The following MAGI2 variants were observed in gnomAD, a reference collection of about 807,000 sequenced individuals.
MAGI2 encodes membrane-associated guanylate kinase, WW and PDZ domain-containing protein 2.
Under a neutral mutation model 133.3 loss-of-function variants are expected in MAGI2, and 35 were observed. The observed-to-expected ratio is 0.26, with a 90% confidence interval of 0.20 to 0.35. The LOEUF is 0.35. Among genes scored for constraint, MAGI2 ranks in the 10% least tolerant of loss-of-function variants. The pLI is 1.00. For missense variants in MAGI2, 1,636 were observed against 1,863.4 expected (o/e 0.88, Z 2.25); for synonymous variants, 729 against 710.6 (o/e 1.03, Z -0.41).
At chr7:78,579,694 T>A (rs1802638887) in intron 3 of MAGI2, among the ~76,000 whole-genome samples, 1 of 152,240 alleles carries the variant, frequency 6.6e-6, no homozygotes, top group African/African-American at 2.4e-5. Flanking sequence ...CTATTCTTAG[T>A]TGAAGATGCT....
intron 2 of MAGI2, among the ~76,000 whole-genome samples, chr7:78,825,551 T>C (rs970102531): frequency 6.6e-6 from 1 of 152,140 alleles, no homozygotes; most frequent in Non-Finnish European, 1.5e-5. Flanking sequence ...CTTTATTAAA[T>C]TGAAGGATTA....
At chr7:78,366,383 A>C (rs1477812251) in intron 7 of MAGI2, among the ~76,000 whole-genome samples, 1 of 152,154 alleles carries the variant, frequency 6.6e-6, no homozygotes, top group Non-Finnish European at 1.5e-5. Flanking sequence ...GACATTTACT[A>C]ATCTTTTATG....
intron 9 of MAGI2, among the ~76,000 whole-genome samples, chr7:78,284,960 T>C (rs1444222565): frequency 6.6e-6 from 1 of 152,156 alleles, no homozygotes; most frequent in Non-Finnish European, 1.5e-5. Context: ...AAACACACTT[T>C]ACAGTTTAAA....
intron 2 of MAGI2, among the ~76,000 whole-genome samples, chr7:78,971,792 C>A (rs1402992795): frequency 2.0e-5 from 3 of 151,558 alleles, no homozygotes; most frequent in Admixed American, 6.6e-5. Context: ...AATTTCTCAC[C>A]TGTATAATGG....
chr7:78,413,746 T>C (rs561708140), intron 6 of MAGI2, among the ~76,000 whole-genome samples: 1 of 152,054 alleles, frequency 6.6e-6, no homozygotes, highest in Admixed American at 6.6e-5. Context: ...GGCAATGGTA[T>C]TGGACATGGG....
chr7:78,963,637 C>T (rs1432696759), intron 2 of MAGI2, among the ~76,000 whole-genome samples: 1 of 151,920 alleles, frequency 6.6e-6, no homozygotes, highest in African/African-American at 2.4e-5. Context: ...AACTGAAACT[C>T]CATACTTGAG....
Position 78,788,301 on chromosome 7 carries a change from G to GA in MAGI2, c.419-161063dup, listed in dbSNP as rs550925121. Among the ~76,000 whole-genome samples the GA allele has an allele frequency of 1.6e-3, 248 of 152,290 alleles. 1 individual carries two copies. Among genetic ancestry groups the GA allele is most frequent in the Non-Finnish European group, 2.7e-3 (181 of 68,032 alleles). On this transcript the variant is annotated intron_variant, in intron 2 of 21. Transcript: ENST00000354212. ...TCTACTCTGTGAATTGTCTGTAACT[G>GA]ATGTATTTTTGTAGCCTTACCTATT...
intron 9 of MAGI2, among the ~76,000 whole-genome samples, chr7:78,336,635 G>C (rs768094100): frequency 6.6e-6 from 1 of 152,140 alleles, no homozygotes; most frequent in Non-Finnish European, 1.5e-5. Context: ...TGAGGTGGGA[G>C]GATGGCTGGA....
intron 9 of MAGI2, among the ~76,000 whole-genome samples, chr7:78,258,396 T>A (rs1229414675): frequency 6.6e-6 from 1 of 152,168 alleles, no homozygotes; most frequent in African/African-American, 2.4e-5. Context: ...ATTTTCTACA[T>A]TTAAAAGGTT....
chr7:78,410,525 TA>T (rs1403588488), intron 6 of MAGI2, among the ~76,000 whole-genome samples: 2 of 152,026 alleles, frequency 1.3e-5, no homozygotes, highest in African/African-American at 4.8e-5. Context: ...ACTTTGGCTT[TA>T]AAAAAATTAG....
chr7:78,480,575 T>C (rs1220473870), intron 6 of MAGI2, among the ~76,000 whole-genome samples: 1 of 151,974 alleles, frequency 6.6e-6, no homozygotes, highest in Non-Finnish European at 1.5e-5. Context: ...CAAGGTTGAT[T>C]TAATATTTGA....
chr7:79,101,350 C>T (rs975136694), intron 1 of MAGI2, among the ~76,000 whole-genome samples: 2 of 152,052 alleles, frequency 1.3e-5, no homozygotes, highest in African/African-American at 2.4e-5. Context: ...CAGCTGGTTG[C>T]TTTGTTTATC....
At chr7:78,612,921 C>T (rs1458974692) in intron 3 of MAGI2, among the ~76,000 whole-genome samples, 4 of 152,116 alleles carry the variant, frequency 2.6e-5, no homozygotes, top group African/African-American at 9.7e-5. Context: ...CCGCCCGCCT[C>T]GGCCTCCCAA....
intron 21 of MAGI2, among the ~76,000 whole-genome samples, chr7:78,070,402 C>T (rs1814459065): frequency 6.8e-6 from 1 of 146,110 alleles, no homozygotes; most frequent in Admixed American, 6.8e-5. Flanking sequence ...CCACCTTTTG[C>T]CCTATGTGTG....
intron 9 of MAGI2, among the ~76,000 whole-genome samples, chr7:78,298,809 C>G (rs1173244643): frequency 2.4e-5 from 3 of 123,110 alleles, no homozygotes; most frequent in Non-Finnish European, 4.9e-5. Flanking sequence ...CTGGCCTAAA[C>G]GTTTTTTTTT....
intron 1 of MAGI2, chr7:79,125,887 A>G (rs912352817): frequency 1.8e-5 from 8 of 435,444 alleles, no homozygotes; most frequent in South Asian, 1.3e-4. Flanking sequence ...TACAGGTTAC[A>G]AAGGATTTAT....
rs1802268043 is a variant in MAGI2 at position 78,955,723 on chromosome 7, C to CTCTTTCTTTCTTTCTTCCTT, written c.418+51366_418+51367insAAGGAAGAAAGAAAGAAAGA. On this transcript the variant is annotated intron_variant, in intron 2 of 21. Coordinates refer to ENST00000354212, the MANE Select transcript of MAGI2 (RefSeq NM_012301.4). ...TCCCTTTCTTTCTTTTTCTTTCTTT[C>CTCTTTCTTTCTTTCTTCCTT]TCTTTCTTTCTTTCTTTCTTTCTTT... Among the ~76,000 whole-genome samples the CTCTTTCTTTCTTTCTTCCTT allele has an allele frequency of 2.9e-3, 241 of 83,478 alleles. 5 individuals are homozygous for CTCTTTCTTTCTTTCTTCCTT. The highest frequency in any genetic ancestry group is 0.011 in the African/African-American group (226 of 21,402). The allele number at this position is 83,478 out of a possible 152,430, so 54.8% of individuals were successfully genotyped here. A position where few individuals can be genotyped will look rare whatever the true frequency, so the allele number is the denominator to read the frequency against.
intron 2 of MAGI2, among the ~76,000 whole-genome samples, chr7:78,869,000 G>A (rs138002846): frequency 0.063 from 9,596 of 152,154 alleles, 372 homozygotes; most frequent in Middle Eastern, 0.11. Context: ...TGATCCGCCC[G>A]CCTCGGCCTC....
At position 78,627,185 on chromosome 7, in the gene MAGI2, A is replaced by T. The variant is rs1346008984; in HGVS notation, c.473T>A (p.Ile158Asn). ...CAATTCCATAAAATCTTCAACAGTGATGAAAATATAATCCACTCCAGGGAC... is the reference window on the plus strand; with the variant it reads ...CAATTCCATAAAATCTTCAACAGTGTTGAAAATATAATCCACTCCAGGGAC... ...GEVPGVDYIF[I>N]TVEDFMELEK... is the part of the protein sequence containing the mutation. Residue 158 changes from isoleucine to asparagine, a missense_variant, in exon 3 of 22, where the codon ATC (isoleucine) becomes AAC (asparagine). Around this residue, in one of 5 missense-constraint regions of MAGI2, gnomAD observed 148 missense variants for 239.0 expected, o/e 0.62. Transcript: ENST00000354212. 2 of 1,596,366 alleles carry T rather than the reference A, an allele frequency of 1.3e-6. No homozygotes were observed. Among genetic ancestry groups the T allele is most frequent in the African/African-American group, 2.7e-5 (2 of 73,728 alleles).
Sources: allele counts gnomAD v4.1 joint callset (sites outside exome capture counted in the v4.1 genomes callset), GRCh38; gene constraint gnomAD v4.1.1; regional missense constraint gnomAD v4.1.1; transcripts MANE v1.5; gene names NCBI Gene and HGNC (gene_info 2026-07-23, HGNC 2026-07-21).